GPAM: variants seen among roughly 807,000 people sequenced by gnomAD.
GPAM encodes the protein glycerol-3-phosphate acyltransferase 1, mitochondrial.
In GPAM, 56 loss-of-function variants were observed where a neutral mutation model predicts 105.0. The observed-to-expected ratio is 0.53, with a 90% CI of 0.43 to 0.67. The LOEUF (loss-of-function observed/expected upper bound fraction) is 0.67. Ranked by LOEUF, GPAM falls within the 30% of genes least tolerant of loss-of-function variation. The pLI is 0.00. For missense variants in GPAM, 855 were observed against 989.8 expected, an observed-to-expected ratio of 0.86 and a Z score of 1.83; for synonymous variants, 368 against 354.4, an observed-to-expected ratio of 1.04 and a Z score of -0.43.
At chr10:112,157,910 A>T (rs1847046121) in intron 18 of GPAM, among the ~76,000 whole-genome samples, 4 of 152,206 alleles carry the variant, frequency 2.6e-5, no homozygotes, top group African/African-American at 7.2e-5. Flanking sequence ...TCTACATCTG[A>T]ACATGACTAT....
At chr10:112,203,992 C>T (rs1456475738) in intron 1 of GPAM, among the ~76,000 whole-genome samples, 2 of 152,132 alleles carry the variant, frequency 1.3e-5, no homozygotes, top group African/African-American at 4.8e-5. Flanking sequence ...TGACATGAGG[C>T]CTCTCTCTAT....
At chr10:112,170,191 C>T (rs546042864) in intron 9 of GPAM, among the ~76,000 whole-genome samples, 2 of 152,216 alleles carry the variant, frequency 1.3e-5, no homozygotes, top group South Asian at 4.2e-4. Context: ...GGTTGGGGAC[C>T]ACTGCTCTAC....
At chr10:112,196,700 G>A (rs1220083828) in intron 1 of GPAM, among the ~76,000 whole-genome samples, 2 of 152,198 alleles carry the variant, frequency 1.3e-5, no homozygotes, top group African/African-American at 2.4e-5. Context: ...TTACAAGGAT[G>A]ATCTCCAAAA....
chr10:112,183,245 A>G (rs964813169), intron 1 of GPAM, among the ~76,000 whole-genome samples: 2 of 152,246 alleles, frequency 1.3e-5, no homozygotes, highest in African/African-American at 4.8e-5. Flanking sequence ...AGAGGACGGA[A>G]TAATATAAAC....
chr10:112,154,519 G>A (rs1265567780), intron 21 of GPAM, 110 bp downstream of exon 21: 1 of 813,546 alleles, frequency 1.2e-6, no homozygotes, highest in Non-Finnish European at 2.1e-6. Flanking sequence ...TAAGCCAGCA[G>A]AAACTGCTTC....
At chr10:112,153,733 C>T in intron 21 of GPAM, 67 bp from the exon 22 acceptor site, 1 of 1,565,434 alleles carries the variant, frequency 6.4e-7, no homozygotes. Context: ...CCATTACCAA[C>T]CTGACCTGTG....
chr10:112,215,644 G>A (rs192208682), upstream of GPAM, among the ~76,000 whole-genome samples: 7 of 145,790 alleles, frequency 4.8e-5, no homozygotes, highest in East Asian at 1.9e-4. Flanking sequence ...CATTCTCAGC[G>A]GAGGTGTCCA....
chr10:112,164,662 A>T (rs752498640), intron 12 of GPAM, 52 bp from the exon 13 acceptor site: 2 of 927,620 alleles, frequency 2.2e-6, no homozygotes, highest in South Asian at 2.6e-5. Flanking sequence ...GCACCAACAT[A>T]TAAAATGTAA....
At chr10:112,192,610 G>C (rs1237444883) in intron 1 of GPAM, among the ~76,000 whole-genome samples, 2 of 152,230 alleles carry the variant, frequency 1.3e-5, no homozygotes, top group Admixed American at 1.3e-4. Context: ...GCAGAACTTG[G>C]CAGAGAGTGA....
Position 112,161,861 on chromosome 10 carries a change from A to G in GPAM, c.1424-124T>C, listed in dbSNP as rs139697996. ...GTGAAAGTCTTCTATCACATTTCCC[A>G]TAAGTGTGATTTACCAAAAGGAAGT... On this transcript the variant is annotated intron_variant, in intron 14 of 21. Coordinates refer to ENST00000348367, the MANE Select transcript of GPAM (RefSeq NM_001244949.2). 2.3e-3 allele frequency: 1,731 copies of G among 749,436 alleles called. 24 individuals are homozygous for G. In the African/African-American group the frequency reaches 0.026, roughly 11 times the overall value. The allele number at this position is 749,436 out of a possible 1,614,324, so 46.4% of individuals were successfully genotyped here. A position where few individuals can be genotyped will look rare whatever the true frequency, so the allele number is the denominator to read the frequency against.
upstream of GPAM, among the ~76,000 whole-genome samples, chr10:112,216,891 T>C (rs1847976327): frequency 6.6e-6 from 1 of 151,436 alleles, no homozygotes; most frequent in Admixed American, 6.6e-5. Context: ...CCCAAAGTGC[T>C]GGGATTACAG....
At chr10:112,168,978 T>G (rs1345517591) in intron 9 of GPAM, 26 bp from the exon 10 acceptor site, 1 of 1,347,066 alleles carries the variant, frequency 7.4e-7, no homozygotes, top group Non-Finnish European at 1.1e-6. Flanking sequence ...ACATGAATTA[T>G]TTACAAAGAA....
chr10:112,191,180 G>C (rs1159014651), intron 1 of GPAM, among the ~76,000 whole-genome samples: 1 of 152,320 alleles, frequency 6.6e-6, no homozygotes, highest in African/African-American at 2.4e-5. Context: ...CCAAGTCCAG[G>C]TCCAACTCGG....
At chr10:112,210,931 G>A (rs1019424587) in intron 1 of GPAM, among the ~76,000 whole-genome samples, 7 of 152,242 alleles carry the variant, frequency 4.6e-5, no homozygotes, top group African/African-American at 1.4e-4. Context: ...CAAATCTTCA[G>A]CTCCCTGCTG....
At position 112,153,089 on chromosome 10, in the gene GPAM, A is replaced by G. The variant is rs1846948965; in HGVS notation, c.*461T>C. The G allele has an allele frequency of 1.0e-6, 1 of 1,004,650 alleles. No individual in the cohort carries two copies. Among genetic ancestry groups the G allele is most frequent in the African/African-American group, 1.7e-5 (1 of 57,658 alleles). 62.2% of individuals were successfully genotyped at this position (1,004,650 alleles called of 1,614,324 possible). On this transcript the variant is annotated 3_prime_UTR_variant, in exon 22 of 22. Coordinates refer to ENST00000348367, the MANE Select transcript of GPAM (RefSeq NM_001244949.2). ...GACAGATAAAACTGAAAAAGAGTGA[A>G]TGGATGACTCAATTATTTTTAAAGG...
intron 1 of GPAM, among the ~76,000 whole-genome samples, chr10:112,199,127 G>GTGTA (rs1847762360): frequency 1.3e-5 from 2 of 149,828 alleles, no homozygotes; most frequent in South Asian, 4.2e-4. Flanking sequence ...GTGTGTGTGT[G>GTGTA]TGTATTTTAG....
rs1846942532 is a variant in GPAM, at chr10:112,152,730, A to G, written c.*820T>C. The G allele has an allele frequency of 1.0e-6, 1 of 975,624 alleles. No homozygotes were observed. The highest frequency in any genetic ancestry group is 1.2e-6 in the Non-Finnish European group (1 of 820,960). 60.4% of individuals were successfully genotyped at this position (975,624 alleles called of 1,614,324 possible). A position where few individuals can be genotyped will look rare whatever the true frequency, so the allele number is the denominator to read the frequency against. On this transcript the variant is annotated 3_prime_UTR_variant, in exon 22 of 22. Coordinates refer to ENST00000348367, the MANE Select transcript of GPAM (RefSeq NM_001244949.2). Reference sequence around the variant, plus strand: ...CCTGAGGGGTGGACGAGGTACAGACATAAAACAGGAAGGGTTCTAAATATA... The same window carrying G: ...CCTGAGGGGTGGACGAGGTACAGACGTAAAACAGGAAGGGTTCTAAATATA...
chr10:112,212,167 G>A lies in GPAM; in HGVS notation n.210+3001C>T, dbSNP rs150113271. On this transcript the variant is annotated intron_variant and non_coding_transcript_variant, in intron 1 of 3. Transcript: ENST00000480130. ...GAGGGGGCTGAGGACCACTAAGCAG[G>A]GAGAAAACCCCAACTCAGTAACTGG... Among the ~76,000 whole-genome samples the A allele has an allele frequency of 4.0e-3, 605 of 152,272 alleles. 4 individuals are homozygous for A. Among genetic ancestry groups the A allele is most frequent in the African/African-American group, 0.014 (583 of 41,550 alleles).
chr10:112,153,466 G>T lies in GPAM; in HGVS notation c.*84C>A, dbSNP rs1846957132. The T allele has an allele frequency of 5.6e-6, 9 of 1,606,188 alleles. No individual in the cohort carries two copies. Among genetic ancestry groups the T allele is most frequent in the Middle Eastern group, 1.7e-4 (1 of 5,864 alleles). On this transcript the variant is annotated 3_prime_UTR_variant, in exon 22 of 22. Transcript: ENST00000348367. ...ACAGGGCAGGCCTGACCCTGCGATG[G>T]CACCTTCAACTCTTGAGCCAGAAGC...
Sources: gnomAD v4.1 joint callset for allele counts (sites outside exome capture counted in the v4.1 genomes callset) on GRCh38, gnomAD v4.1.1 for gene constraint, MANE v1.5 for transcripts, NCBI Gene and HGNC (gene_info 2026-07-23, HGNC 2026-07-21) for gene names.